PCMT1: variants seen among roughly 807,000 people sequenced by gnomAD.
The protein encoded by PCMT1 is protein-L-isoaspartate (D-aspartate) O-methyltransferase, also known as protein-L-isoaspartate(D-aspartate) O-methyltransferase.
A neutral mutation model predicts 29.2 loss-of-function variants in PCMT1; 9 were observed. The ratio of observed to expected loss-of-function variants is 0.31; its 90% CI spans 0.19 to 0.54. The LOEUF is 0.54. Ranked by LOEUF, PCMT1 falls within the 20% of genes least tolerant of loss-of-function variation. The pLI, the probability that PCMT1 is intolerant of heterozygous loss-of-function variation, is 0.95. For synonymous variants in PCMT1, 98 were observed against 97.5 expected (o/e 1.00, Z -0.03); for missense variants, 184 against 282.2 (o/e 0.65, Z 2.49).
intron 6 of PCMT1, 77 bp from the exon 7 acceptor site, chr6:149,802,121 CCT>C: frequency 2.0e-6 from 2 of 1,019,440 alleles, no homozygotes; most frequent in Non-Finnish European, 2.8e-6. Context: ...AGAGTGAGAC[CCT>C]GTCTCAAAAA....
intron 1 of PCMT1, among the ~76,000 whole-genome samples, chr6:149,753,792 T>C (rs974102288): frequency 2.6e-5 from 4 of 152,234 alleles, no homozygotes; most frequent in Admixed American, 1.3e-4. Flanking sequence ...TTTCAGATTG[T>C]AATGGTAGAT....
At chr6:149,787,560 A>G (rs1009479495) in intron 3 of PCMT1, among the ~76,000 whole-genome samples, 8 of 151,910 alleles carry the variant, frequency 5.3e-5, no homozygotes, top group Non-Finnish European at 1.2e-4. Context: ...ACAGGGTTTC[A>G]TCATGTTGGG....
intron 4 of PCMT1, 76 bp from the exon 5 acceptor site, chr6:149,793,473 T>C: frequency 7.7e-7 from 1 of 1,297,276 alleles, no homozygotes; most frequent in Middle Eastern, 2.1e-4. Context: ...TGACTTTCGA[T>C]AAGGAAAAAC....
intron 1 of PCMT1, among the ~76,000 whole-genome samples, chr6:149,757,861 C>T (rs1223108786): frequency 6.6e-6 from 1 of 151,788 alleles, no homozygotes; most frequent in Non-Finnish European, 1.5e-5. Context: ...TCCCTTGTAC[C>T]TAGATTTTAT....
intron 4 of PCMT1, among the ~76,000 whole-genome samples, chr6:149,790,842 C>T (rs563650171): frequency 3.8e-4 from 58 of 152,104 alleles, no homozygotes; most frequent in Non-Finnish European, 7.1e-4. Context: ...AACCCCATCT[C>T]TACTAAAAAT....
intron 6 of PCMT1, chr6:149,799,120 C>T (rs1461910422): frequency 6.6e-6 from 1 of 152,128 alleles, no homozygotes; most frequent in African/African-American, 2.4e-5. Flanking sequence ...TGAGACCAGC[C>T]TGGGCAACAT....
chr6:149,781,015 T>C (rs906319182), intron 3 of PCMT1, among the ~76,000 whole-genome samples: 3 of 152,184 alleles, frequency 2.0e-5, no homozygotes, highest in Non-Finnish European at 4.4e-5. Context: ...ACATTTGTTA[T>C]TTTCTTTTTT....
chr6:149,769,143 CATTGGTTTG>C (rs1202931636), intron 1 of PCMT1, among the ~76,000 whole-genome samples: 1 of 151,916 alleles, frequency 6.6e-6, no homozygotes. Context: ...ATTTGAATGG[CATTGGTTTG>C]ATTGGTTTTT....
intron 1 of PCMT1, chr6:149,765,740 G>T: frequency 2.9e-6 from 1 of 339,966 alleles, no homozygotes. Flanking sequence ...GACGAGGAAG[G>T]TGGATCACCT....
intron 3 of PCMT1, among the ~76,000 whole-genome samples, chr6:149,788,764 C>G (rs1055220990): frequency 6.6e-6 from 1 of 152,088 alleles, no homozygotes; most frequent in African/African-American, 2.4e-5. Context: ...CTGGGGCAAA[C>G]CCTTTGAGAT....
chr6:149,774,083 G>A (rs980839694), intron 3 of PCMT1, among the ~76,000 whole-genome samples: 7 of 151,714 alleles, frequency 4.6e-5, no homozygotes, highest in Non-Finnish European at 7.4e-5. Flanking sequence ...CTTGACTCCC[G>A]GGCTCATGCA....
chr6:149,783,087 T>A (rs1228022487), intron 3 of PCMT1, among the ~76,000 whole-genome samples: 1 of 152,164 alleles, frequency 6.6e-6, no homozygotes, highest in African/African-American at 2.4e-5. Context: ...AGGAAGATTG[T>A]TGGAGAACAA....
chr6:149,786,338 C>A lies in PCMT1; in HGVS notation c.193-3616C>A, dbSNP rs1345121529. Among the ~76,000 whole-genome samples the A allele has an allele frequency of 6.1e-5, 6 of 98,404 alleles. 2 individuals carry two copies. The highest frequency in any genetic ancestry group is 4.8e-4 in the East Asian group (1 of 2,064). The allele number at this position is 98,404 out of a possible 152,430, so 64.6% of individuals were successfully genotyped here. A position where few individuals can be genotyped will look rare whatever the true frequency, so the allele number is the denominator to read the frequency against. On this transcript the variant is annotated intron_variant, in intron 3 of 7. Transcript: ENST00000464889. ...GGGGCTGACCCCCCCACCTCCCTCCCGGACGGGGCGGCTGGCCGGGCGGGG... is the reference window on the plus strand; with the variant it reads ...GGGGCTGACCCCCCCACCTCCCTCCAGGACGGGGCGGCTGGCCGGGCGGGG...
intron 1 of PCMT1, among the ~76,000 whole-genome samples, chr6:149,751,775 A>G (rs1366968749): frequency 2.0e-5 from 3 of 151,332 alleles, no homozygotes; most frequent in South Asian, 2.1e-4. Flanking sequence ...CCACCGCGCC[A>G]GGCCGGTACT....
At chr6:149,787,270 A>AGG in intron 3 of PCMT1, among the ~76,000 whole-genome samples, 1 of 78,768 alleles carries the variant, frequency 1.3e-5, no homozygotes, top group Non-Finnish European at 3.0e-5. Flanking sequence ...AGACCGTGGA[A>AGG]AGAGAGGGAG....
At chr6:149,771,394 C>A in intron 2 of PCMT1, 128 bp downstream of exon 2, 1 of 521,650 alleles carries the variant, frequency 1.9e-6, no homozygotes, top group Non-Finnish European at 3.3e-6. Flanking sequence ...TATGACTCAG[C>A]AAGTTTCATA....
At chr6:149,771,083 A>G in intron 1 of PCMT1, 79 bp from the exon 2 acceptor site, 1 of 824,304 alleles carries the variant, frequency 1.2e-6, no homozygotes, top group Non-Finnish European at 2.0e-6. Flanking sequence ...CAGTCTCTAT[A>G]GCACAGCTGG....
chr6:149,793,517 A>G, intron 4 of PCMT1, 32 bp from the exon 5 acceptor site: 1 of 1,418,486 alleles, frequency 7.0e-7, no homozygotes, highest in South Asian at 1.9e-5. Flanking sequence ...AATTTAGCCC[A>G]ATGAGCTACT....
At chr6:149,753,396 G>T (rs527816878) in intron 1 of PCMT1, among the ~76,000 whole-genome samples, 3 of 151,632 alleles carry the variant, frequency 2.0e-5, no homozygotes, top group Non-Finnish European at 2.9e-5. Flanking sequence ...GCAATGGCAC[G>T]ATCTCAGCTC....
Sources: gnomAD v4.1 joint callset for allele counts (sites outside exome capture counted in the v4.1 genomes callset) on GRCh38, gnomAD v4.1.1 for gene constraint, MANE v1.5 for transcripts, NCBI Gene and HGNC (gene_info 2026-07-23, HGNC 2026-07-21) for gene names.